COMMD1: variants seen among roughly 807,000 people sequenced by gnomAD.
The protein encoded by COMMD1 is copper metabolism domain containing 1.
In COMMD1, 10 loss-of-function variants were observed where a neutral mutation model predicts 17.2. The observed-to-expected ratio is 0.58, with a 90% CI of 0.36 to 0.99. The LOEUF is 0.99. Ranked by LOEUF, COMMD1 falls within the 50% of genes least tolerant of loss-of-function variation. The pLI is 0.01. For missense variants in COMMD1, 270 were observed against 231.8 expected (o/e 1.17, Z -1.07); for synonymous variants, 97 against 91.6 (o/e 1.06, Z -0.34).
At chr2:61,931,283 A>T (rs1572974158) in intron 1 of COMMD1, among the ~76,000 whole-genome samples, 1 of 152,098 alleles carries the variant, frequency 6.6e-6, no homozygotes, top group South Asian at 2.1e-4. Flanking sequence ...CTGCACTCCA[A>T]CCTGGGTAAC....
At chr2:61,905,517 TG>T, upstream of COMMD1, 1 of 647,718 alleles carries the variant, frequency 1.5e-6, no homozygotes, top group Admixed American at 3.0e-5. Flanking sequence ...GGATGGGTGT[TG>T]CAGAGCAAAG....
chr2:62,045,309 T>C (rs986628881), intron 2 of COMMD1, among the ~76,000 whole-genome samples: 14 of 152,144 alleles, frequency 9.2e-5, no homozygotes, highest in Non-Finnish European at 1.6e-4. Flanking sequence ...AAATTAATCT[T>C]AGATTGTATA....
intron 2 of COMMD1, among the ~76,000 whole-genome samples, chr2:62,072,894 C>A (rs547309185): frequency 1.9e-4 from 29 of 152,350 alleles, no homozygotes; most frequent in African/African-American, 6.3e-4. Context: ...TGGATGGACC[C>A]TGTGCTTACT....
intron 2 of COMMD1, among the ~76,000 whole-genome samples, chr2:62,026,075 A>G (rs1669747143): frequency 6.6e-6 from 1 of 152,312 alleles, no homozygotes; most frequent in South Asian, 2.1e-4. Context: ...AGTAGAAGGT[A>G]GAGCCAGAAT....
chr2:62,024,424 T>A (rs1669698489), intron 2 of COMMD1, among the ~76,000 whole-genome samples: 1 of 152,196 alleles, frequency 6.6e-6, no homozygotes, highest in African/African-American at 2.4e-5. Flanking sequence ...AATTCCATTA[T>A]AATATATGTG....
chr2:61,922,461 G>A (rs980291203), intron 1 of COMMD1, among the ~76,000 whole-genome samples: 2 of 152,146 alleles, frequency 1.3e-5, no homozygotes, highest in East Asian at 3.8e-4. Context: ...GGGATTATAG[G>A]CGTGAGCTAC....
intron 2 of COMMD1, among the ~76,000 whole-genome samples, chr2:62,008,787 T>C (rs1166233633): frequency 7.1e-6 from 1 of 139,874 alleles, no homozygotes; most frequent in Non-Finnish European, 1.5e-5. Context: ...TGTTTGTTTA[T>C]TTATTTACTT....
chr2:62,084,548 T>G (rs986696266), intron 2 of COMMD1, among the ~76,000 whole-genome samples: 4 of 152,158 alleles, frequency 2.6e-5, no homozygotes, highest in African/African-American at 9.7e-5. Context: ...AATTTGCGTG[T>G]AAATGGACCC....
intron 1 of COMMD1, among the ~76,000 whole-genome samples, chr2:61,946,590 G>A (rs1670913050): frequency 6.6e-6 from 1 of 152,114 alleles, no homozygotes; most frequent in Non-Finnish European, 1.5e-5. Context: ...TCCCTTGAGA[G>A]AGAAAATTGA....
At chr2:62,046,405 A>G (rs1047910297) in intron 2 of COMMD1, among the ~76,000 whole-genome samples, 41 of 152,248 alleles carry the variant, frequency 2.7e-4, no homozygotes, top group African/African-American at 9.4e-4. Flanking sequence ...CTAAAAGTCA[A>G]GGTAAATGTG....
At chr2:61,925,954 TTTG>T (rs1180529373) in intron 1 of COMMD1, among the ~76,000 whole-genome samples, 1 of 151,848 alleles carries the variant, frequency 6.6e-6, no homozygotes, top group African/African-American at 2.4e-5. Flanking sequence ...GTGTTTTTTT[TTTG>T]TTTTTTGTTT....
intron 2 of COMMD1, among the ~76,000 whole-genome samples, chr2:62,087,057 C>G (rs1040363261): frequency 6.6e-6 from 1 of 152,096 alleles, no homozygotes; most frequent in Admixed American, 6.6e-5. Flanking sequence ...CTCCTGACCT[C>G]AAATGACCTG....
intron 1 of COMMD1, among the ~76,000 whole-genome samples, chr2:61,970,371 G>C (rs769698430): frequency 6.6e-6 from 1 of 152,024 alleles, no homozygotes; most frequent in African/African-American, 2.4e-5. Context: ...GTGTCCATGG[G>C]GAATTAGTTC....
intron 2 of COMMD1, among the ~76,000 whole-genome samples, chr2:62,055,182 C>T (rs550146902): frequency 3.9e-5 from 6 of 152,266 alleles, no homozygotes; most frequent in South Asian, 4.2e-4. Context: ...AGCTTTAAGT[C>T]GGGCTTTATT....
At chr2:62,070,435 G>T (rs1671167381) in intron 2 of COMMD1, 1 of 151,182 alleles carries the variant, frequency 6.6e-6, no homozygotes, top group South Asian at 2.1e-4. Context: ...ATGCTTTCCT[G>T]TAATCCCAGT....
At chr2:61,907,810 C>T (rs1669810660) in intron 1 of COMMD1, among the ~76,000 whole-genome samples, 1 of 152,070 alleles carries the variant, frequency 6.6e-6, no homozygotes, top group African/African-American at 2.4e-5. Context: ...CCTGTCTCAG[C>T]CTCCTGTGTA....
chr2:61,982,710 C>T (rs967234010), intron 1 of COMMD1, among the ~76,000 whole-genome samples: 21 of 152,050 alleles, frequency 1.4e-4, no homozygotes, highest in African/African-American at 3.1e-4. Context: ...ATCTCATCCC[C>T]GGTTTTTTTT....
intron 2 of COMMD1, among the ~76,000 whole-genome samples, chr2:62,019,149 C>CTTCT (rs1558564892): frequency 7.6e-6 from 1 of 131,314 alleles, no homozygotes; most frequent in African/African-American, 2.8e-5. Flanking sequence ...TCCTTCCTTC[C>CTTCT]TTCCTTCTCT....
At chr2:61,966,471 G>C (rs183957883) in intron 1 of COMMD1, among the ~76,000 whole-genome samples, 1 of 152,062 alleles carries the variant, frequency 6.6e-6, no homozygotes, top group Non-Finnish European at 1.5e-5. Context: ...ACACTAGTTG[G>C]TTGTATATTA....
Sources: gnomAD v4.1 joint callset for allele counts (sites outside exome capture counted in the v4.1 genomes callset) on GRCh38, gnomAD v4.1.1 for gene constraint, MANE v1.5 for transcripts, NCBI Gene and HGNC (gene_info 2026-07-23, HGNC 2026-07-21) for gene names.